MAP4K4: variants seen among roughly 807,000 people sequenced by gnomAD.
MAP4K4 encodes the protein HPK/GCK-like kinase HGK.
Under a neutral mutation model 189.6 loss-of-function variants are expected in MAP4K4, and 38 were observed. The observed-to-expected ratio is 0.20, with a 90% CI of 0.15 to 0.26. The LOEUF is 0.26. Among genes scored for constraint, MAP4K4 ranks in the 10% least tolerant of loss-of-function variants. The pLI is 1.00. For synonymous variants in MAP4K4, 610 were observed against 624.3 expected (o/e 0.98, Z 0.34); for missense variants, 1,054 against 1,726.9 (o/e 0.61, Z 6.91).
At chr2:101,776,572 A>ACCCCCCCCC (rs571647833) in intron 2 of MAP4K4, among the ~76,000 whole-genome samples, 1 of 23,906 alleles carries the variant, frequency 4.2e-5, no homozygotes. Flanking sequence ...ATGCACCCCC[A>ACCCCCCCCC]CCCCCCCACC....
chr2:101,749,044 T>C (rs1180051108), intron 2 of MAP4K4, among the ~76,000 whole-genome samples: 2 of 146,052 alleles, frequency 1.4e-5, no homozygotes, highest in Non-Finnish European at 3.0e-5. Context: ...TCCATGCTCA[T>C]GGGTAGGAAG....
At chr2:101,736,142 G>C (rs1474368110) in intron 2 of MAP4K4, among the ~76,000 whole-genome samples, 1 of 152,214 alleles carries the variant, frequency 6.6e-6, no homozygotes, top group East Asian at 1.9e-4. Flanking sequence ...ACAGTCCCCT[G>C]TGATAACCTC....
intron 2 of MAP4K4, among the ~76,000 whole-genome samples, chr2:101,757,822 C>A (rs530315168): frequency 6.6e-6 from 1 of 152,120 alleles, no homozygotes; most frequent in East Asian, 1.9e-4. Flanking sequence ...GAGTTCAAGA[C>A]CAACCTGACC....
At position 101,844,488 on chromosome 2, in the gene MAP4K4, A is replaced by G. The variant is rs767102386; in HGVS notation, c.1233+177A>G. Among the ~76,000 whole-genome samples, 100 of 152,198 alleles carry G rather than the reference A, an allele frequency of 6.6e-4. 1 individual carries two copies. The highest frequency in any genetic ancestry group is 7.2e-4 in the Non-Finnish European group (49 of 68,034). On this transcript the variant is annotated intron_variant, in intron 12 of 32. Transcript: ENST00000324219. Reference sequence around the variant, plus strand: ...ACGCTTTGGACTGGCAGGCCTTCACATTCCTTGAGGCCTTAGAAATGTTTT... The same window carrying G: ...ACGCTTTGGACTGGCAGGCCTTCACGTTCCTTGAGGCCTTAGAAATGTTTT...
intron 3 of MAP4K4, among the ~76,000 whole-genome samples, chr2:101,803,290 TG>T (rs2094566538): frequency 3.5e-5 from 5 of 142,620 alleles, no homozygotes; most frequent in Admixed American, 3.4e-4. Flanking sequence ...TGTTTGTGTG[TG>T]TGTCTGTCTG....
chr2:101,848,454 A>T (rs2149665929), intron 12 of MAP4K4, among the ~76,000 whole-genome samples: 1 of 152,340 alleles, frequency 6.6e-6, no homozygotes, highest in Non-Finnish European at 1.5e-5. Flanking sequence ...AGATTATTTT[A>T]TGAATAAAGT....
intron 3 of MAP4K4, among the ~76,000 whole-genome samples, chr2:101,808,293 G>A (rs867514795): frequency 9.2e-5 from 14 of 152,190 alleles, no homozygotes; most frequent in African/African-American, 2.9e-4. Context: ...TTGTGCAAGT[G>A]AGGGACCCTG....
intron 3 of MAP4K4, among the ~76,000 whole-genome samples, chr2:101,809,166 C>A (rs576063891): frequency 6.6e-6 from 1 of 152,198 alleles, no homozygotes; most frequent in Non-Finnish European, 1.5e-5. Flanking sequence ...GTCACCACTT[C>A]ATGGTACACC....
At chr2:101,824,144 G>GGC in intron 4 of MAP4K4, 91 bp downstream of exon 4, 1 of 255,912 alleles carries the variant, frequency 3.9e-6, no homozygotes, top group Non-Finnish European at 8.1e-6. Flanking sequence ...AAGAGGGGGG[G>GGC]AAGAAAAACA....
chr2:101,813,466 C>T (rs901222169), intron 3 of MAP4K4, among the ~76,000 whole-genome samples: 7 of 152,162 alleles, frequency 4.6e-5, no homozygotes, highest in South Asian at 2.1e-4. Flanking sequence ...AGCAGCTGTT[C>T]GTATTATTTC....
intron 27 of MAP4K4, among the ~76,000 whole-genome samples, chr2:101,881,423 G>T (rs1204352339): frequency 6.6e-6 from 1 of 151,996 alleles, no homozygotes; most frequent in Non-Finnish European, 1.5e-5. Context: ...ATTTTTTTTG[G>T]TTGATTCTTC....
chr2:101,887,121 G>A, exon 30 of MAP4K4: 1 of 1,601,296 alleles, frequency 6.2e-7, no homozygotes, highest in Non-Finnish European at 8.5e-7. Flanking sequence ...GCCATTACTG[G>A]TGGATCTCAC....
intron 2 of MAP4K4, among the ~76,000 whole-genome samples, chr2:101,719,563 G>A (rs560826223): frequency 1.4e-4 from 21 of 152,312 alleles, no homozygotes; most frequent in Admixed American, 7.2e-4. Context: ...GGGAAAGTGG[G>A]CAGGTGTAAG....
intron 7 of MAP4K4, 49 bp from the exon 8 acceptor site, chr2:101,834,360 G>T: frequency 7.2e-7 from 1 of 1,398,482 alleles, no homozygotes; most frequent in Non-Finnish European, 1.0e-6. Context: ...GTAAGTTAGT[G>T]GCTTTGTATC....
chr2:101,742,598 G>A (rs1363688496), intron 2 of MAP4K4, among the ~76,000 whole-genome samples: 1 of 152,172 alleles, frequency 6.6e-6, no homozygotes, highest in East Asian at 1.9e-4. Context: ...ACTAAAGCTA[G>A]CACTGCTTTC....
exon 23 of MAP4K4, chr2:101,870,389 A>G: frequency 1.2e-6 from 2 of 1,613,686 alleles, no homozygotes; most frequent in Non-Finnish European, 1.7e-6. Flanking sequence ...GACCCCATCC[A>G]AGGAGGGCAC....
chr2:101,859,739 G>A, exon 15 of MAP4K4: 1 of 1,612,126 alleles, frequency 6.2e-7, no homozygotes, highest in South Asian at 1.1e-5. Flanking sequence ...TCTACAGCAT[G>A]ACCATAGGAG....
At chr2:101,817,194 G>A (rs2095783825) in intron 3 of MAP4K4, among the ~76,000 whole-genome samples, 1 of 152,022 alleles carries the variant, frequency 6.6e-6, no homozygotes, top group Non-Finnish European at 1.5e-5. Context: ...CTATAGATTG[G>A]GGCTCGACGA....
intron 13 of MAP4K4, 150 bp downstream of exon 13, chr2:101,856,288 G>A: frequency 2.9e-6 from 2 of 687,840 alleles, no homozygotes; most frequent in Non-Finnish European, 4.7e-6. Flanking sequence ...TATGAACGTG[G>A]TGAAACACAG....
Sources: allele counts gnomAD v4.1 joint callset (sites outside exome capture counted in the v4.1 genomes callset), GRCh38; gene constraint gnomAD v4.1.1; transcripts MANE v1.5; gene names NCBI Gene and HGNC (gene_info 2026-07-23, HGNC 2026-07-21).